The following CHRM3 variants were observed in gnomAD, a reference collection of about 807,000 sequenced individuals.
CHRM3 encodes cholinergic receptor muscarinic 3.
Under a neutral mutation model 41.8 loss-of-function variants are expected in CHRM3, and 11 were observed. That is an observed-to-expected ratio of 0.26 (90% CI 0.17 to 0.44). The LOEUF (loss-of-function observed/expected upper bound fraction) is 0.44. CHRM3 is among the 20% of genes least tolerant of loss of function. The pLI is 1.00. For synonymous variants in CHRM3, 297 were observed against 301.4 expected, an observed-to-expected ratio of 0.99 and a Z score of 0.15; for missense variants, 571 against 745.4, an observed-to-expected ratio of 0.77 and a Z score of 2.72.
intron 3 of CHRM3, among the ~76,000 whole-genome samples, chr1:239,603,253 A>AT (rs1558362864): frequency 6.6e-6 from 1 of 152,070 alleles, no homozygotes; most frequent in Non-Finnish European, 1.5e-5. Flanking sequence ...TTCATCTCAA[A>AT]TTTTTTTGTA....
At chr1:239,791,631 G>T (rs1450421976) in intron 5 of CHRM3, among the ~76,000 whole-genome samples, 1 of 152,128 alleles carries the variant, frequency 6.6e-6, no homozygotes, top group African/African-American at 2.4e-5. Flanking sequence ...GCTTTGCCTT[G>T]GGAGATCACA....
At chr1:239,542,105 A>G (rs1052228316) in intron 2 of CHRM3, among the ~76,000 whole-genome samples, 4 of 152,158 alleles carry the variant, frequency 2.6e-5, no homozygotes, top group Admixed American at 2.6e-4. Context: ...GGAGATTATA[A>G]TTAATCATCT....
intron 5 of CHRM3, among the ~76,000 whole-genome samples, chr1:239,775,722 C>A (rs1173534956): frequency 1.3e-5 from 2 of 152,158 alleles, no homozygotes; most frequent in Non-Finnish European, 2.9e-5. Flanking sequence ...TAGAATGTGG[C>A]ATATTGCACC....
In CHRM3 at chr1:239,589,256, A is replaced by G. The variant is rs1663797822; in HGVS notation, c.-312-42968A>G. 2.0e-5 allele frequency among the ~76,000 whole-genome samples: 3 copies of G among 151,978 alleles called. No individual in the cohort carries two copies. The South Asian group carries it at 6.2e-4, about 32-fold the overall frequency. On this transcript the variant is annotated intron_variant, in intron 3 of 6. Transcript: ENST00000676153. ...GTCTGAAACATTATTTTAAATGAGA[A>G]CTGGAAAAGTATTAATTCTCGTGAA...
intron 1 of CHRM3, among the ~76,000 whole-genome samples, chr1:239,421,049 G>C (rs371221881): frequency 5.8e-4 from 88 of 152,128 alleles, no homozygotes; most frequent in South Asian, 1.0e-3. Flanking sequence ...CTAAGTACAC[G>C]TATTATTTTA....
intron 3 of CHRM3, among the ~76,000 whole-genome samples, chr1:239,630,800 C>T (rs1480991293): frequency 6.6e-6 from 1 of 152,108 alleles, no homozygotes; most frequent in Non-Finnish European, 1.5e-5. Flanking sequence ...CACCCTCAAC[C>T]TCAGTTTCCC....
At position 239,907,688 on chromosome 1, in the gene CHRM3, C is replaced by T. The variant is rs1161282726; in HGVS notation, c.237C>T (p.Ala79=). ...TCGCTTTCTTAACGGGCATCCTGGC[C>T]TTGGTGACCATCATCGGCAACATCC... ...VFIAFLTGIL[A]LVTIIGNILV... is the part of the protein sequence containing the mutation. Residue 79 remains alanine (A), a synonymous_variant, in exon 7 of 7, where the codon GCC becomes GCT. Coordinates refer to ENST00000676153, the MANE Select transcript of CHRM3 (RefSeq NM_001375978.1). This position sits in a 1 kb window ranked among gnomAD's most constrained non-coding sequence, Gnocchi z 5.4. The T allele has an allele frequency of 6.2e-7, 1 of 1,614,204 alleles. No homozygotes were observed. Among genetic ancestry groups the T allele is most frequent in the East Asian group, 2.2e-5 (1 of 44,864 alleles).
At chr1:239,503,094 C>G (rs1257902463) in intron 2 of CHRM3, among the ~76,000 whole-genome samples, 1 of 152,010 alleles carries the variant, frequency 6.6e-6, no homozygotes, top group East Asian at 1.9e-4. Flanking sequence ...AAAGGGCATC[C>G]AAAATGGTAA....
At chr1:239,521,775 T>C (rs1370198158) in intron 2 of CHRM3, among the ~76,000 whole-genome samples, 1 of 152,074 alleles carries the variant, frequency 6.6e-6, no homozygotes, top group African/African-American at 2.4e-5. Context: ...CAAAATAACG[T>C]ACAACAATAA....
intron 5 of CHRM3, among the ~76,000 whole-genome samples, chr1:239,752,592 A>G (rs1406761143): frequency 6.6e-6 from 1 of 152,202 alleles, no homozygotes; most frequent in Non-Finnish European, 1.5e-5. Flanking sequence ...CCCAATTGAA[A>G]AATTATAGGA....
chr1:239,762,288 C>A (rs549516436), intron 5 of CHRM3, among the ~76,000 whole-genome samples: 2 of 152,184 alleles, frequency 1.3e-5, no homozygotes, highest in Non-Finnish European at 2.9e-5. Context: ...TGCAGTTTTG[C>A]GGTTTTTTAC....
intron 5 of CHRM3, among the ~76,000 whole-genome samples, chr1:239,682,800 T>A (rs1658697479): frequency 6.6e-6 from 1 of 152,196 alleles, no homozygotes; most frequent in Non-Finnish European, 1.5e-5. Flanking sequence ...CTACTTACTG[T>A]TTAGCAAAAT....
Position 239,738,468 on chromosome 1 carries a change from CAG to C in CHRM3, c.-147+60181_-147+60182del, listed in dbSNP as rs957162803. Among the ~76,000 whole-genome samples, 12 of 152,246 alleles carry C rather than the reference CAG, an allele frequency of 7.9e-5. No individual in the cohort carries two copies. The East Asian group carries it at 2.1e-3, about 27-fold the overall frequency. On this transcript the variant is annotated intron_variant, in intron 5 of 6. Coordinates refer to ENST00000676153, the MANE Select transcript of CHRM3 (RefSeq NM_001375978.1). ...GGGATTATTATCCCAAGGCCAGGCTCAGGGGGGGTTTGGGAGTCCAGGAAGCA... is the reference window on the plus strand; with the variant it reads ...GGGATTATTATCCCAAGGCCAGGCTCGGGGGGTTTGGGAGTCCAGGAAGCA...
At chr1:239,438,655 T>C (rs575373404) in intron 1 of CHRM3, among the ~76,000 whole-genome samples, 1 of 152,320 alleles carries the variant, frequency 6.6e-6, no homozygotes, top group South Asian at 2.1e-4. Context: ...GAGGCTTTCA[T>C]GGACTACAAA....
chr1:239,839,648 G>A (rs1467046093), intron 6 of CHRM3, among the ~76,000 whole-genome samples: 2 of 152,104 alleles, frequency 1.3e-5, no homozygotes, highest in South Asian at 2.1e-4. Flanking sequence ...TATCTTCCTC[G>A]TGGTTTAAAT....
chr1:239,529,382 A>C (rs560662493), intron 2 of CHRM3, among the ~76,000 whole-genome samples: 1 of 152,222 alleles, frequency 6.6e-6, no homozygotes, highest in Non-Finnish European at 1.5e-5. Context: ...AGGCTGAGGC[A>C]AGGCAGACCA....
intron 5 of CHRM3, among the ~76,000 whole-genome samples, chr1:239,753,704 G>A (rs940856696): frequency 1.3e-5 from 2 of 152,156 alleles, no homozygotes; most frequent in African/African-American, 4.8e-5. Flanking sequence ...TTGACTGACC[G>A]AATGCAGAAG....
At chr1:239,614,389 A>G (rs1667406513) in intron 3 of CHRM3, among the ~76,000 whole-genome samples, 1 of 152,330 alleles carries the variant, frequency 6.6e-6, no homozygotes, top group African/African-American at 2.4e-5. Flanking sequence ...TTTTTAAAAT[A>G]TTTACAATCA....
intron 3 of CHRM3, among the ~76,000 whole-genome samples, chr1:239,623,177 A>G (rs1445650596): frequency 6.6e-6 from 1 of 151,968 alleles, no homozygotes; most frequent in Non-Finnish European, 1.5e-5. Flanking sequence ...GGTTTGTTAC[A>G]TATGTATACA....
Sources: allele counts gnomAD v4.1 joint callset (sites outside exome capture counted in the v4.1 genomes callset), GRCh38; gene constraint gnomAD v4.1.1; non-coding constraint Gnocchi (gnomAD v3.1); transcripts MANE v1.5; gene names NCBI Gene and HGNC (gene_info 2026-07-23, HGNC 2026-07-21).